The following PRRX1 variants were observed in gnomAD, a reference collection of about 807,000 sequenced individuals.
The protein encoded by PRRX1 is paired related homeobox 1.
A neutral mutation model predicts 24.0 loss-of-function variants in PRRX1; 8 were observed. The observed-to-expected ratio is 0.33, with a 90% CI of 0.20 to 0.60. The LOEUF (loss-of-function observed/expected upper bound fraction) is 0.60, where lower values mean the gene tolerates loss of function less well. Among genes scored for constraint, PRRX1 ranks in the 20% least tolerant of loss-of-function variants. The pLI is 0.82. For missense variants in PRRX1, 281 were observed against 322.4 expected (o/e 0.87, Z 0.98); for synonymous variants, 160 against 131.7 (o/e 1.22, Z -1.47).
intron 1 of PRRX1, among the ~76,000 whole-genome samples, chr1:170,680,091 A>G (rs568471732): frequency 3.9e-4 from 59 of 152,212 alleles, no homozygotes; most frequent in Non-Finnish European, 6.5e-4. Context: ...TAGTTTTGAC[A>G]TATGCTAAAG....
At chr1:170,733,775 T>C (rs922602616) in intron 3 of PRRX1, among the ~76,000 whole-genome samples, 1 of 152,148 alleles carries the variant, frequency 6.6e-6, no homozygotes, top group African/African-American at 2.4e-5. Context: ...TACTTAGATC[T>C]TCGGATTCTT....
intron 1 of PRRX1, among the ~76,000 whole-genome samples, chr1:170,710,231 A>G (rs115773514): frequency 0.012 from 1,884 of 152,338 alleles, 36 homozygotes; most frequent in African/African-American, 0.043. Flanking sequence ...CCAAAAGAAT[A>G]TAATTCAGTC....
chr1:170,704,283 G>A (rs1209088161), intron 1 of PRRX1, among the ~76,000 whole-genome samples: 1 of 152,152 alleles, frequency 6.6e-6, no homozygotes, highest in Non-Finnish European at 1.5e-5. Flanking sequence ...CTCAACGCTG[G>A]GAAGTTATGA....
chr1:170,666,903 G>A (rs919665724), intron 1 of PRRX1, among the ~76,000 whole-genome samples: 2 of 152,054 alleles, frequency 1.3e-5, no homozygotes, highest in Admixed American at 6.5e-5. Context: ...CGGAGGCGAC[G>A]CGCGGTGGCT....
rs769734367 is a variant in PRRX1, at chr1:170,719,787, C to T, written c.303C>T (p.Phe101=). 7 of 1,614,092 alleles carry T rather than the reference C, an allele frequency of 4.3e-6. No homozygotes were observed. Among genetic ancestry groups the T allele is most frequent in the Non-Finnish European group, 3.4e-6 (4 of 1,180,042 alleles). ...KRKQRRNRTT[F]NSSQLQALER... Reference sequence around the variant, plus strand: ...AGCAGCGAAGGAATAGGACAACCTTCAATAGCAGCCAGCTGCAGGCTTTGG... The same window carrying T: ...AGCAGCGAAGGAATAGGACAACCTTTAATAGCAGCCAGCTGCAGGCTTTGG... The change falls in exon 2 of 4, where the codon TTC becomes TTT. Residue 101 remains phenylalanine (F), a synonymous_variant. Transcript: ENST00000239461.
At chr1:170,722,170 T>G (rs889394591) in intron 2 of PRRX1, among the ~76,000 whole-genome samples, 7 of 152,142 alleles carry the variant, frequency 4.6e-5, no homozygotes, top group South Asian at 2.1e-4. Context: ...ATGACTTCAT[T>G]CTTCCCCCAT....
At chr1:170,733,904 A>T (rs528960736) in intron 3 of PRRX1, among the ~76,000 whole-genome samples, 1 of 152,242 alleles carries the variant, frequency 6.6e-6, no homozygotes, top group South Asian at 2.1e-4. Context: ...AAAATAAATG[A>T]CATTTCTTGG....
intron 2 of PRRX1, among the ~76,000 whole-genome samples, chr1:170,724,037 A>T (rs982624382): frequency 3.9e-5 from 6 of 152,232 alleles, no homozygotes; most frequent in Admixed American, 3.9e-4. Context: ...TGGAATTGTC[A>T]TGTTGACTAG....
At chr1:170,706,748 T>G (rs921897876) in intron 1 of PRRX1, among the ~76,000 whole-genome samples, 3 of 152,180 alleles carry the variant, frequency 2.0e-5, no homozygotes. Flanking sequence ...GTTACCTATA[T>G]TCGTATCACT....
Position 170,736,104 on chromosome 1 carries a change from A to G in PRRX1, c.656A>G (p.Asn219Ser). ...AACAATAGCCCTGCACAGGGCATCA[A>G]CATGGCCAACAGCATTGCCAACCTG... Reference protein sequence around the residue: ...CANNSPAQGINMANSIANLRL... With the variant: ...CANNSPAQGISMANSIANLRL... Residue 219 changes from asparagine to serine, a missense_variant, in exon 4 of 4, where the codon AAC becomes AGC. By Grantham distance (46) the Asn-to-Ser change is conservative (BLOSUM62 1). Transcript: ENST00000239461. The G allele has an allele frequency of 6.2e-7, 1 of 1,614,170 alleles. No individual in the cohort carries two copies. Among genetic ancestry groups the G allele is most frequent in the Non-Finnish European group, 8.5e-7 (1 of 1,179,986 alleles).
At chr1:170,735,550 T>G (rs1317521849) in intron 3 of PRRX1, among the ~76,000 whole-genome samples, 1 of 152,198 alleles carries the variant, frequency 6.6e-6, no homozygotes, top group Non-Finnish European at 1.5e-5. Flanking sequence ...ACATTATTTA[T>G]TATGGTATTT....
At chr1:170,710,823 G>A (rs913967524) in intron 1 of PRRX1, among the ~76,000 whole-genome samples, 8 of 152,160 alleles carry the variant, frequency 5.3e-5, no homozygotes, top group African/African-American at 1.9e-4. Context: ...CAGGAAGCAG[G>A]CCCTCAACAG....
At chr1:170,714,150 A>C (rs1654833928) in intron 1 of PRRX1, among the ~76,000 whole-genome samples, 1 of 152,240 alleles carries the variant, frequency 6.6e-6, no homozygotes, top group Admixed American at 6.5e-5. Context: ...GTTAATGCTA[A>C]GTGTAGCCAA....
chr1:170,696,906 A>G (rs927098593), intron 1 of PRRX1, among the ~76,000 whole-genome samples: 2 of 152,154 alleles, frequency 1.3e-5, no homozygotes, highest in African/African-American at 2.4e-5. Flanking sequence ...TTTTGGACTG[A>G]GAATCTGCCT....
intron 1 of PRRX1, among the ~76,000 whole-genome samples, chr1:170,680,104 A>G (rs1351652717): frequency 1.3e-5 from 2 of 152,216 alleles, no homozygotes; most frequent in Non-Finnish European, 2.9e-5. Flanking sequence ...TGCTAAAGTT[A>G]TATCTCAAAT....
intron 1 of PRRX1, among the ~76,000 whole-genome samples, chr1:170,697,190 A>C (rs971296336): frequency 6.6e-6 from 1 of 152,162 alleles, no homozygotes; most frequent in Non-Finnish European, 1.5e-5. Flanking sequence ...GAAAGCGCAG[A>C]GGCCTAGGAG....
At chr1:170,678,714 C>T (rs1234175237) in intron 1 of PRRX1, among the ~76,000 whole-genome samples, 1 of 152,074 alleles carries the variant, frequency 6.6e-6, no homozygotes, top group Non-Finnish European at 1.5e-5. Flanking sequence ...TTTCTTTTGG[C>T]CGTTGTTTTT....
At chr1:170,717,972 C>T (rs1407504592) in intron 1 of PRRX1, among the ~76,000 whole-genome samples, 1 of 152,174 alleles carries the variant, frequency 6.6e-6, no homozygotes, top group Non-Finnish European at 1.5e-5. Flanking sequence ...TACATTCTTA[C>T]TGAGTGTCAC....
intron 1 of PRRX1, chr1:170,667,616 G>C (rs943664293): frequency 2.0e-5 from 3 of 152,184 alleles, no homozygotes; most frequent in African/African-American, 7.2e-5. Flanking sequence ...CAGGGAAGAG[G>C]GGAGTGTCTC....
Sources: allele counts gnomAD v4.1 joint callset (sites outside exome capture counted in the v4.1 genomes callset), GRCh38; gene constraint gnomAD v4.1.1; transcripts MANE v1.5; gene names NCBI Gene and HGNC (gene_info 2026-07-23, HGNC 2026-07-21).